Variants in ADGRL3 observed in about 807,000 individuals in gnomAD.
ADGRL3 encodes calcium-independent alpha-latrotoxin receptor 3.
Under a neutral mutation model 153.5 loss-of-function variants are expected in ADGRL3, and 62 were observed. The observed-to-expected ratio is 0.40, with a 90% confidence interval of 0.33 to 0.50. The LOEUF (loss-of-function observed/expected upper bound fraction) is 0.50, where lower values mean the gene tolerates loss of function less well. Among genes scored for constraint, ADGRL3 ranks in the 20% least tolerant of loss-of-function variants. The pLI is 0.47. For synonymous variants in ADGRL3, 710 were observed against 672.5 expected (o/e 1.06, Z -0.86); for missense variants, 1,641 against 1,859.4 (o/e 0.88, Z 2.16).
Position 61,517,415 on chromosome 4 carries a change from G to T in ADGRL3, c.156G>T (p.Gln52His). 1.3e-6 allele frequency: 1 copy of T among 785,366 alleles called. No homozygotes were observed. The highest frequency in any genetic ancestry group is 2.2e-6 in the Non-Finnish European group (1 of 460,320). 48.6% of individuals were successfully genotyped at this position (785,366 alleles called of 1,614,324 possible). A position where few individuals can be genotyped will look rare whatever the true frequency, so the allele number is the denominator to read the frequency against. ...GALPPRHLLQ[Q>H]PAAERTAAHR... ...TTCCACCCAGACATCTGCTTCAGCA[G>T]CCAGCTGCAGAGCGCACCGCTGCTC... The change falls in exon 4 of 27, where the codon CAG becomes CAT. Residue 52 changes from glutamine to histidine, a missense_variant. Around this residue, in one of 5 missense-constraint regions of ADGRL3, gnomAD observed 145 missense variants for 79.1 expected, o/e 1.83. Transcript: ENST00000683033.
chr4:61,511,613 C>A (rs1241548675), intron 3 of ADGRL3, among the ~76,000 whole-genome samples: 4 of 152,060 alleles, frequency 2.6e-5, no homozygotes, highest in Admixed American at 6.5e-5. Flanking sequence ...TAATGAGGAA[C>A]CTAGTCTGAA....
intron 15 of ADGRL3, among the ~76,000 whole-genome samples, chr4:61,936,746 CCT>C (rs1308812499): frequency 6.9e-5 from 10 of 144,832 alleles, no homozygotes; most frequent in South Asian, 4.3e-4. Context: ...AAAGTAGACC[CCT>C]CTTTCCCATA....
At chr4:61,994,505 T>G (rs1032218300) in intron 19 of ADGRL3, among the ~76,000 whole-genome samples, 21 of 149,836 alleles carry the variant, frequency 1.4e-4, no homozygotes, top group Non-Finnish European at 3.0e-4. Context: ...GGTTCAAGGT[T>G]TTTTTTTTTG....
chr4:61,677,234 C>T (rs1322201571), intron 6 of ADGRL3: 1 of 321,002 alleles, frequency 3.1e-6, no homozygotes, highest in East Asian at 7.2e-5. Flanking sequence ...AGTGTTATAC[C>T]AATTCTCCAG....
intron 22 of ADGRL3, among the ~76,000 whole-genome samples, chr4:62,030,092 T>A (rs1410533989): frequency 6.6e-6 from 1 of 151,626 alleles, no homozygotes; most frequent in Admixed American, 6.6e-5. Context: ...CATTTAAAGA[T>A]GAAATATAGT....
chr4:61,619,956 G>T (rs917005389), intron 5 of ADGRL3, among the ~76,000 whole-genome samples: 27 of 152,120 alleles, frequency 1.8e-4, no homozygotes, highest in African/African-American at 6.3e-4. Context: ...TTTCTTTTCT[G>T]GGAGTTTTTG....
At chr4:61,388,028 C>A (rs952528884) in intron 2 of ADGRL3, among the ~76,000 whole-genome samples, 3 of 152,034 alleles carry the variant, frequency 2.0e-5, no homozygotes, top group Admixed American at 2.0e-4. Context: ...TCAGCGGGTC[C>A]CTCCATTTGG....
chr4:61,697,437 G>A (rs2095662505), intron 6 of ADGRL3, among the ~76,000 whole-genome samples: 1 of 151,870 alleles, frequency 6.6e-6, no homozygotes, highest in South Asian at 2.1e-4. Flanking sequence ...GCAGGTGCCT[G>A]TAATCCCAGC....
In ADGRL3 at chr4:62,073,857, A is replaced by G. The variant is rs1746372715; in HGVS notation, c.*2949A>G. On this transcript the variant is annotated 3_prime_UTR_variant, in exon 27 of 27. Transcript: ENST00000683033. The stretch of plus-strand genomic sequence containing the variant: ...AATGGCATGCTTTCAGAGAGACTTA[A>G]GATCCCAAAGATTATAACAGAGAGA... 6.6e-6 allele frequency: 1 copy of G among 152,118 alleles called. No homozygotes were observed. Among genetic ancestry groups the G allele is most frequent in the Non-Finnish European group, 1.5e-5 (1 of 67,988 alleles). 9.4% of individuals were successfully genotyped at this position (152,118 alleles called of 1,614,324 possible). A position where few individuals can be genotyped will look rare whatever the true frequency, so the allele number is the denominator to read the frequency against.
At chr4:61,625,572 T>C (rs867795999) in intron 5 of ADGRL3, among the ~76,000 whole-genome samples, 4 of 152,200 alleles carry the variant, frequency 2.6e-5, no homozygotes, top group Middle Eastern at 6.8e-3. Context: ...TTTCTACTTA[T>C]TAATTTGAGT....
chr4:61,919,865 A>C (rs1037906947), intron 13 of ADGRL3, among the ~76,000 whole-genome samples: 27 of 152,286 alleles, frequency 1.8e-4, no homozygotes, highest in African/African-American at 6.3e-4. Context: ...CATTTTGCAC[A>C]TTTCCTGTAA....
At chr4:61,461,882 A>G (rs1017365035) in intron 2 of ADGRL3, among the ~76,000 whole-genome samples, 6 of 152,272 alleles carry the variant, frequency 3.9e-5, no homozygotes, top group Non-Finnish European at 8.8e-5. Context: ...TCAGAAATGC[A>G]TTCTTATTTT....
chr4:61,286,675 C>T (rs72634741), intron 1 of ADGRL3, among the ~76,000 whole-genome samples: 15,400 of 151,118 alleles, frequency 0.1, 1,010 homozygotes, highest in Admixed American at 0.16. Flanking sequence ...TTTTATATAT[C>T]GAGATAAACC....
intron 1 of ADGRL3, among the ~76,000 whole-genome samples, chr4:61,254,100 A>G (rs1027680712): frequency 6.6e-6 from 1 of 152,174 alleles, no homozygotes; most frequent in East Asian, 1.9e-4. Context: ...GGCTTTTTTC[A>G]TATTAACCAC....
rs570107540 is a variant in ADGRL3 at position 61,987,298 on chromosome 4, C to T, written c.3236+3695C>T. 3.0e-3 allele frequency among the ~76,000 whole-genome samples: 462 copies of T among 151,782 alleles called. 2 individuals are homozygous for T. The highest frequency in any genetic ancestry group is 0.01 in the Middle Eastern group (3 of 294). On this transcript the variant is annotated intron_variant, in intron 19 of 26. Transcript: ENST00000683033. ...CTCCTGACTCAGCCTCCCGAGCAGC[C>T]GAGTAGCTGGGATTACAGGCATGCA...
At chr4:61,304,529 T>C (rs914290564) in intron 1 of ADGRL3, among the ~76,000 whole-genome samples, 1 of 152,216 alleles carries the variant, frequency 6.6e-6, no homozygotes, top group Non-Finnish European at 1.5e-5. Flanking sequence ...TAACTGTGTG[T>C]GGAGGTTTTC....
At chr4:61,755,576 T>G (rs989661941) in intron 8 of ADGRL3, among the ~76,000 whole-genome samples, 28 of 152,202 alleles carry the variant, frequency 1.8e-4, no homozygotes, top group African/African-American at 6.3e-4. Flanking sequence ...GGTTGCCTGT[T>G]CACTCTGATG....
At chr4:61,971,592 A>G (rs2099027963) in intron 17 of ADGRL3, among the ~76,000 whole-genome samples, 1 of 151,964 alleles carries the variant, frequency 6.6e-6, no homozygotes, top group East Asian at 1.9e-4. Context: ...AGTCTTTGCT[A>G]TTGTGAATAG....
chr4:62,013,786 G>A (rs2099198416), intron 21 of ADGRL3, among the ~76,000 whole-genome samples: 1 of 151,802 alleles, frequency 6.6e-6, no homozygotes, highest in African/African-American at 2.4e-5. Flanking sequence ...AACTCAGGAG[G>A]CTGAAGCAGG....
Sources: gnomAD v4.1 joint callset for allele counts (sites outside exome capture counted in the v4.1 genomes callset) on GRCh38, gnomAD v4.1.1 for gene constraint, gnomAD v4.1.1 regional missense constraint, MANE v1.5 for transcripts, NCBI Gene and HGNC (gene_info 2026-07-23, HGNC 2026-07-21) for gene names.